The following TAF15 variants were observed in gnomAD, a reference collection of about 807,000 sequenced individuals.
TAF15 encodes the protein TATA-box binding protein associated factor 15, also known as TATA-binding protein-associated factor 2N.
In TAF15, 37 loss-of-function variants were observed where a neutral mutation model predicts 102.5. The ratio of observed to expected loss-of-function variants is 0.36; its 90% CI spans 0.28 to 0.47. TAF15 has a LOEUF of 0.47. TAF15 is among the 20% of genes least tolerant of loss of function. The pLI is 0.99. For missense variants in TAF15, 652 were observed against 760.7 expected, an observed-to-expected ratio of 0.86 and a Z score of 1.68; for synonymous variants, 273 against 259.2, an observed-to-expected ratio of 1.05 and a Z score of -0.51.
Position 35,842,476 on chromosome 17 carries a change from G to A in TAF15, c.1006+17G>A, listed in dbSNP as rs558922143. On this transcript the variant is annotated intron_variant, in intron 12 of 15. Coordinates refer to ENST00000605844, the MANE Select transcript of TAF15 (RefSeq NM_139215.3). ...GGCGGCGAGGTAAGATCCTTGCTGC[G>A]TACAGTCCTGGATACTATCCAAGGG... 35 of 1,586,862 alleles carry A rather than the reference G, an allele frequency of 2.2e-5. No homozygotes were observed. The highest frequency in any genetic ancestry group is 1.7e-4 in the South Asian group (15 of 90,350).
intron 11 of TAF15, among the ~76,000 whole-genome samples, chr17:35,840,195 G>T: frequency 1.4e-5 from 2 of 146,146 alleles, no homozygotes; most frequent in Admixed American, 6.8e-5. Flanking sequence ...GTTCCTTTCA[G>T]TTTCAAGATT....
At chr17:35,826,133 C>G (rs1460999157) in intron 7 of TAF15, among the ~76,000 whole-genome samples, 1 of 152,020 alleles carries the variant, frequency 6.6e-6, no homozygotes, top group Non-Finnish European at 1.5e-5. Context: ...AATTTGTGGC[C>G]TAGATACTGA....
intron 7 of TAF15, chr17:35,824,405 T>C: frequency 1.6e-6 from 1 of 638,892 alleles, no homozygotes; most frequent in South Asian, 2.1e-5. Context: ...GCTATGTTAG[T>C]AGTTAGTTTA....
At chr17:35,812,542 G>A (rs1296451033) in intron 1 of TAF15, among the ~76,000 whole-genome samples, 3 of 135,738 alleles carry the variant, frequency 2.2e-5, no homozygotes, top group Admixed American at 8.3e-5. Flanking sequence ...CCGAGATTGC[G>A]CCATTGCACT....
intron 8 of TAF15, 57 bp from the exon 9 acceptor site, chr17:35,834,509 T>G: frequency 1.3e-6 from 2 of 1,555,038 alleles, no homozygotes; most frequent in Non-Finnish European, 1.8e-6. Context: ...ATTTTTTTTG[T>G]TAATGATTTT....
At chr17:35,817,863 C>T (rs2087213177) in intron 2 of TAF15, 108 bp downstream of exon 2, 2 of 964,120 alleles carry the variant, frequency 2.1e-6, no homozygotes, top group East Asian at 4.8e-5. Context: ...TAAATATTAG[C>T]TTGTCACAGA....
At chr17:35,823,734 G>A in intron 6 of TAF15, 1 of 304,986 alleles carries the variant, frequency 3.3e-6, no homozygotes, top group Non-Finnish European at 6.3e-6. Flanking sequence ...AAAAAGATTG[G>A]GGTCGTGCTT....
At chr17:35,824,241 CTTTT>C (rs35907284) in intron 7 of TAF15, 43 bp downstream of exon 7, 1 of 1,457,634 alleles carries the variant, frequency 6.9e-7, no homozygotes, top group South Asian at 1.3e-5. Flanking sequence ...TCTTCTTCCT[CTTTT>C]TTTTTTTTTT....
chr17:35,823,153 G>A (rs1056874457), intron 6 of TAF15, among the ~76,000 whole-genome samples: 10 of 152,108 alleles, frequency 6.6e-5, no homozygotes, highest in African/African-American at 2.4e-4. Context: ...ACTTATTTAT[G>A]TACCTTTAAG....
chr17:35,824,644 A>G (rs1178515813), intron 7 of TAF15, among the ~76,000 whole-genome samples: 1 of 152,214 alleles, frequency 6.6e-6, no homozygotes, highest in African/African-American at 2.4e-5. Flanking sequence ...AATGGAGTAG[A>G]AAGGTGGGGA....
chr17:35,813,765 T>TTTTG (rs2087156701), intron 1 of TAF15, among the ~76,000 whole-genome samples: 1 of 151,278 alleles, frequency 6.6e-6, no homozygotes, highest in Non-Finnish European at 1.5e-5. Flanking sequence ...TAAATGAACA[T>TTTTG]TTTGAATTGA....
At chr17:35,839,620 G>A (rs1470559284) in intron 11 of TAF15, among the ~76,000 whole-genome samples, 1 of 152,020 alleles carries the variant, frequency 6.6e-6, no homozygotes, top group Non-Finnish European at 1.5e-5. Context: ...CTGACCTTGT[G>A]ATCCGCCCAC....
At chr17:35,830,759 T>A (rs1027028185) in intron 7 of TAF15, among the ~76,000 whole-genome samples, 1 of 152,214 alleles carries the variant, frequency 6.6e-6, no homozygotes, top group Non-Finnish European at 1.5e-5. Context: ...TAGACTTAAA[T>A]GTGCATATGA....
In TAF15 at chr17:35,837,550, G is replaced by A. The variant is rs536401046; in HGVS notation, c.784-874G>A. On this transcript the variant is annotated intron_variant, in intron 10 of 15. Transcript: ENST00000605844. ...TTTTAGAAGTTACATATTTACGGCCGGGCGTGGTGGCTCACACCTGTAATC... is the reference window on the plus strand; with the variant it reads ...TTTTAGAAGTTACATATTTACGGCCAGGCGTGGTGGCTCACACCTGTAATC... Among the ~76,000 whole-genome samples, 11 of 152,090 alleles carry A rather than the reference G, an allele frequency of 7.2e-5. No individual in the cohort carries two copies. The East Asian group carries it at 9.7e-4, about 13-fold the overall frequency.
chr17:35,842,815 C>T (rs1298637796), intron 12 of TAF15, among the ~76,000 whole-genome samples: 2 of 152,126 alleles, frequency 1.3e-5, no homozygotes, highest in Admixed American at 6.5e-5. Context: ...TCACCACAAC[C>T]TCCGCCTCCC....
chr17:35,824,253 T>G, intron 7 of TAF15, 55 bp downstream of exon 7: 1 of 1,601,872 alleles, frequency 6.2e-7, no homozygotes, highest in African/African-American at 1.3e-5. Flanking sequence ...TTTTTTTTTT[T>G]TTAAGGTGTT....
chr17:35,809,942 T>C (rs1422243222), intron 1 of TAF15: 15 of 422,216 alleles, frequency 3.6e-5, no homozygotes, highest in Admixed American at 2.7e-4. Context: ...GCGGTGCTTC[T>C]GGTTCTCCGC....
chr17:35,838,482 A>G lies in TAF15; in HGVS notation c.842A>G (p.Lys281Arg). 1.9e-6 allele frequency: 3 copies of G among 1,614,206 alleles called. No individual in the cohort carries two copies. Among genetic ancestry groups the G allele is most frequent in the Non-Finnish European group, 2.5e-6 (3 of 1,180,036 alleles). The change falls in exon 11 of 16, where the codon AAG becomes AGG. Residue 281 changes from lysine to arginine, a missense_variant. By Grantham distance (26) the Lys-to-Arg change is conservative (BLOSUM62 2). Transcript: ENST00000605844. ...CTTTATACAGACAAGGACACAGGAA[A>G]GCCAAAGGGGGAGGCAACAGTGTCA... ...INLYTDKDTG[K>R]PKGEATVSFD...
intron 1 of TAF15, chr17:35,817,197 C>A (rs1270493015): frequency 6.6e-6 from 1 of 151,456 alleles, no homozygotes; most frequent in Non-Finnish European, 1.5e-5. Context: ...TTGGTAAAAT[C>A]AGAATAGAGC....
Sources: allele counts gnomAD v4.1 joint callset (sites outside exome capture counted in the v4.1 genomes callset), GRCh38; gene constraint gnomAD v4.1.1; transcripts MANE v1.5; gene names NCBI Gene and HGNC (gene_info 2026-07-23, HGNC 2026-07-21).